NRK: variants seen among roughly 807,000 people sequenced by gnomAD.
The protein encoded by NRK is nik-related protein kinase.
NRK carries 67 observed loss-of-function variants against 125.2 expected under a neutral mutation model. That is an observed-to-expected ratio of 0.54 (90% CI 0.44 to 0.66). NRK has a LOEUF of 0.66. NRK is among the 30% of genes least tolerant of loss of function. NRK has a pLI of 0.00. For missense variants in NRK, 1,224 were observed against 1,192.9 expected, an observed-to-expected ratio of 1.03 and a Z score of -0.38; for synonymous variants, 458 against 429.0, an observed-to-expected ratio of 1.07 and a Z score of -0.84.
intron 1 of NRK, 67 bp downstream of exon 1, chrX:105,822,969 G>A (rs1197038258): frequency 4.2e-6 from 4 of 963,110 alleles, no homozygotes; most frequent in Non-Finnish European, 4.3e-6. Context: ...ACCAGAGGGA[G>A]GGAGCGGACG....
intron 4 of NRK, among the ~76,000 whole-genome samples, chrX:105,885,351 T>C (rs1238864942): frequency 8.9e-6 from 1 of 112,102 alleles, no homozygotes; most frequent in African/African-American, 3.2e-5. Flanking sequence ...TCACCGTTGG[T>C]TGTGTCATTC....
At chrX:105,842,896 C>G (rs973974238) in intron 2 of NRK, among the ~76,000 whole-genome samples, 5 of 111,679 alleles carry the variant, frequency 4.5e-5, no homozygotes, top group African/African-American at 1.3e-4. Flanking sequence ...TTAAGACTTT[C>G]CTGGTGGTTA....
intron 2 of NRK, among the ~76,000 whole-genome samples, chrX:105,869,376 C>T (rs2039713581): frequency 1.8e-5 from 2 of 111,350 alleles, no homozygotes; most frequent in African/African-American, 6.5e-5. Flanking sequence ...CTTGTACTAT[C>T]TTAAATGTAA....
intron 8 of NRK, 42 bp downstream of exon 8, chrX:105,898,756 A>T (rs761906408): frequency 6.4e-5 from 66 of 1,035,763 alleles, no homozygotes; most frequent in Non-Finnish European, 1.3e-6. Flanking sequence ...CAATTTGGAA[A>T]GGATTTTTGA....
At chrX:105,871,252 G>T (rs188513821) in intron 2 of NRK, among the ~76,000 whole-genome samples, 1 of 111,445 alleles carries the variant, frequency 9.0e-6, no homozygotes, top group Non-Finnish European at 1.9e-5. Context: ...CCCTCTGACT[G>T]AATAGAGTTG....
At chrX:105,915,602 TTA>T (rs2040354919) in intron 14 of NRK, 126 bp from the exon 15 acceptor site, 1 of 368,798 alleles carries the variant, frequency 2.7e-6, no homozygotes, top group Admixed American at 5.1e-5. Context: ...AATCTGTTTA[TTA>T]AAATCATATT....
chrX:105,953,013 T>A, intron 27 of NRK, 21 bp from the exon 28 acceptor site: 1 of 1,091,697 alleles, frequency 9.2e-7, no homozygotes, highest in Non-Finnish European at 1.2e-6. Context: ...TTTTTCTGAT[T>A]TTTTTTCATT....
At chrX:105,830,226 A>G (rs1380437040) in intron 1 of NRK, among the ~76,000 whole-genome samples, 1 of 102,619 alleles carries the variant, frequency 9.7e-6, no homozygotes, top group Non-Finnish European at 2.0e-5. Flanking sequence ...AGGCAGGACA[A>G]TCACTTGAAT....
intron 1 of NRK, among the ~76,000 whole-genome samples, chrX:105,827,206 C>T (rs1176441463): frequency 9.0e-6 from 1 of 111,400 alleles, no homozygotes; most frequent in Non-Finnish European, 1.9e-5. Flanking sequence ...TTGCCATATC[C>T]ATCCCTTTCA....
At chrX:105,866,652 T>C (rs2039675595) in intron 2 of NRK, among the ~76,000 whole-genome samples, 1 of 111,917 alleles carries the variant, frequency 8.9e-6, no homozygotes, top group Non-Finnish European at 1.9e-5. Flanking sequence ...GAGTGATTTA[T>C]AGGAAAAGGA....
At chrX:105,828,657 T>G (rs1444104710) in intron 1 of NRK, among the ~76,000 whole-genome samples, 1 of 111,757 alleles carries the variant, frequency 8.9e-6, no homozygotes, top group Non-Finnish European at 1.9e-5. Flanking sequence ...TCTCCAGAAT[T>G]AACAATGTCT....
At chrX:105,887,354 T>C (rs2039960835) in intron 4 of NRK, among the ~76,000 whole-genome samples, 1 of 111,807 alleles carries the variant, frequency 8.9e-6, no homozygotes, top group Non-Finnish European at 1.9e-5. Flanking sequence ...CATCAGGGAA[T>C]TGCAAATTAA....
At chrX:105,917,321 TTAATA>T (rs2040378753) in intron 15 of NRK, among the ~76,000 whole-genome samples, 1 of 110,928 alleles carries the variant, frequency 9.0e-6, no homozygotes, top group Non-Finnish European at 1.9e-5. Context: ...TTTTTAGAAA[TTAATA>T]TATATATAAA....
rs2040906485 is a variant in NRK, at chrX:105,952,057, C to T, written c.4514-977C>T. On this transcript the variant is annotated intron_variant, in intron 27 of 28. Transcript: ENST00000243300. Reference sequence around the variant, plus strand: ...TAGTCTGAAATTTGACTTATAAAGTCTTCTTCCAGGATAACCATTTTTCTT... The same window carrying T: ...TAGTCTGAAATTTGACTTATAAAGTTTTCTTCCAGGATAACCATTTTTCTT... Among the ~76,000 whole-genome samples the T allele has an allele frequency of 1.8e-5, 2 of 112,045 alleles. 1 individual carries two copies. The highest frequency in any genetic ancestry group is 6.5e-5 in the African/African-American group (2 of 30,941).
At chrX:105,850,327 A>G (rs900780744) in intron 2 of NRK, among the ~76,000 whole-genome samples, 4 of 111,610 alleles carry the variant, frequency 3.6e-5, no homozygotes, top group African/African-American at 6.5e-5. Flanking sequence ...CCCAGTCCAC[A>G]AAACCACTTT....
intron 23 of NRK, among the ~76,000 whole-genome samples, chrX:105,941,937 C>T (rs896933778): frequency 2.7e-5 from 3 of 110,641 alleles, no homozygotes; most frequent in African/African-American, 9.9e-5. Flanking sequence ...CTCTACCACT[C>T]ACAGTCCTAG....
At chrX:105,923,925 A>ATG (rs1311413320) in intron 18 of NRK, among the ~76,000 whole-genome samples, 1 of 78,990 alleles carries the variant, frequency 1.3e-5, no homozygotes, top group South Asian at 6.0e-4. Flanking sequence ...ATATATATAT[A>ATG]TGTGAAATTT....
At chrX:105,904,714 G>A (rs2040199247) in intron 9 of NRK, among the ~76,000 whole-genome samples, 2 of 111,457 alleles carry the variant, frequency 1.8e-5, no homozygotes, top group South Asian at 7.5e-4. Flanking sequence ...CAAAGGTAGA[G>A]CTAGGTTTGA....
At position 105,822,651 on chromosome X, in the gene NRK, GTTTCCCTCC is replaced by G. The variant is rs768491658; in HGVS notation, c.-194_-186del. 4 of 473,252 alleles carry G rather than the reference GTTTCCCTCC, an allele frequency of 8.5e-6. No homozygotes were observed. The Admixed American group carries it at 9.5e-5, about 11-fold the overall frequency. 39.0% of individuals were successfully genotyped at this position (473,252 alleles called of 1,213,427 possible). ...TTGCTTTCCCGCCTCGCAAACTCCG[GTTTCCCTCC>G]ACTCCCAACTCTTTTCACTACACGT... On this transcript the variant is annotated 5_prime_UTR_variant, in exon 1 of 29. Coordinates refer to ENST00000243300, the MANE Select transcript of NRK (RefSeq NM_198465.4).
Sources: gnomAD v4.1 joint callset for allele counts (sites outside exome capture counted in the v4.1 genomes callset) on GRCh38, gnomAD v4.1.1 for gene constraint, MANE v1.5 for transcripts, NCBI Gene and HGNC (gene_info 2026-07-23, HGNC 2026-07-21) for gene names.